Variants in TMEM117 observed in about 807,000 individuals in gnomAD.
TMEM117 encodes transmembrane protein 117.
Under a neutral mutation model 52.4 loss-of-function variants are expected in TMEM117, and 27 were observed. That is an observed-to-expected ratio of 0.51 (90% CI 0.38 to 0.71). The LOEUF (loss-of-function observed/expected upper bound fraction) is 0.71. Ranked by LOEUF, TMEM117 falls within the 30% of genes least tolerant of loss-of-function variation. TMEM117 has a pLI of 0.00. For missense variants in TMEM117, 556 were observed against 630.5 expected (o/e 0.88, Z 1.26); for synonymous variants, 215 against 206.3 (o/e 1.04, Z -0.36).
chr12:43,898,396 TA>T (rs1944248667), intron 2 of TMEM117, among the ~76,000 whole-genome samples: 1 of 149,278 alleles, frequency 6.7e-6, no homozygotes, highest in Non-Finnish European at 1.5e-5. Flanking sequence ...AATAATATAT[TA>T]ATAATTAATA....
chr12:43,811,719 G>A, the TMEM117 span, among the ~76,000 whole-genome samples: 9 of 152,302 alleles, frequency 5.9e-5, no homozygotes, highest in African/African-American at 2.2e-4. Flanking sequence ...GTGAGAATTT[G>A]AGCAGCAAAG....
At chr12:44,344,792 C>T (rs1951463040) in intron 6 of TMEM117, among the ~76,000 whole-genome samples, 1 of 152,056 alleles carries the variant, frequency 6.6e-6, no homozygotes, top group South Asian at 2.1e-4. Context: ...GTCTGCAGTG[C>T]TCCTCTCCTT....
At chr12:44,337,263 C>G (rs7313324) in intron 6 of TMEM117, among the ~76,000 whole-genome samples, 79,782 of 151,758 alleles carry the variant, frequency 0.53, 21,522 homozygotes, top group East Asian at 0.9. Context: ...TTCCAGAGAG[C>G]AAGAAGGCTG....
chr12:43,947,742 G>A (rs1316991456), intron 3 of TMEM117, among the ~76,000 whole-genome samples: 1 of 152,180 alleles, frequency 6.6e-6, no homozygotes, highest in Non-Finnish European at 1.5e-5. Flanking sequence ...AGGAATACGG[G>A]CCTAGAATTA....
chr12:44,376,984 T>C (rs1716609), intron 7 of TMEM117, among the ~76,000 whole-genome samples: 2,272 of 152,256 alleles, frequency 0.015, 60 homozygotes, highest in African/African-American at 0.048. Flanking sequence ...GGAAAGTGAT[T>C]AAGAAGGCTT....
intron 3 of TMEM117, among the ~76,000 whole-genome samples, chr12:43,979,829 G>A (rs571049336): frequency 6.6e-6 from 1 of 152,218 alleles, no homozygotes; most frequent in East Asian, 1.9e-4. Flanking sequence ...AAAGGCTACT[G>A]TTCTATCCAA....
At chr12:43,962,765 G>A (rs544880500) in intron 3 of TMEM117, among the ~76,000 whole-genome samples, 28 of 151,814 alleles carry the variant, frequency 1.8e-4, no homozygotes, top group African/African-American at 6.5e-4. Context: ...CTAAAAATAC[G>A]AAAACAAAAA....
intron 5 of TMEM117, among the ~76,000 whole-genome samples, chr12:44,297,857 CTATT>C (rs2138636379): frequency 1.3e-5 from 2 of 152,196 alleles, no homozygotes; most frequent in South Asian, 4.1e-4. Flanking sequence ...CAATTTCTAT[CTATT>C]GAGTTATAAT....
intron 4 of TMEM117, among the ~76,000 whole-genome samples, chr12:44,154,765 T>TAA (rs58401059): frequency 7.0e-5 from 10 of 143,094 alleles, no homozygotes; most frequent in African/African-American, 2.0e-4. Flanking sequence ...GCTATATATC[T>TAA]AAAAAAAAAA....
At chr12:43,874,427 A>AG (rs1491431458) in intron 2 of TMEM117, among the ~76,000 whole-genome samples, 1 of 15,680 alleles carries the variant, frequency 6.4e-5, no homozygotes, top group Non-Finnish European at 6.2e-4. Flanking sequence ...CTAAAAGTAC[A>AG]AAAAAAAAAA....
intron 4 of TMEM117, among the ~76,000 whole-genome samples, chr12:44,171,172 C>T (rs1055458927): frequency 3.5e-4 from 53 of 152,082 alleles, no homozygotes; most frequent in African/African-American, 1.1e-3. Flanking sequence ...CCCGCCACTA[C>T]GCCCGGCTAA....
chr12:43,926,932 G>C (rs943795563), intron 2 of TMEM117, among the ~76,000 whole-genome samples: 1 of 151,240 alleles, frequency 6.6e-6, no homozygotes, highest in Non-Finnish European at 1.5e-5. Context: ...TTATTTTTTC[G>C]TATCTTTTAA....
At chr12:43,838,537 G>C (rs10082995) in intron 1 of TMEM117, among the ~76,000 whole-genome samples, 1 of 93,344 alleles carries the variant, frequency 1.1e-5, no homozygotes. Flanking sequence ...GAGTCTTCCA[G>C]TTTTTTTTTT....
At chr12:43,873,274 A>G (rs1943736922) in intron 2 of TMEM117, among the ~76,000 whole-genome samples, 1 of 103,568 alleles carries the variant, frequency 9.7e-6, no homozygotes, top group Non-Finnish European at 2.3e-5. Context: ...TTAGTAGAGT[A>G]TAATTAGGCA....
chr12:43,878,884 C>T (rs192437526), intron 2 of TMEM117, among the ~76,000 whole-genome samples: 4 of 152,216 alleles, frequency 2.6e-5, no homozygotes. Flanking sequence ...TTAAATATGG[C>T]AGGTGACCAT....
chr12:44,350,236 G>A (rs531829090), intron 6 of TMEM117, among the ~76,000 whole-genome samples: 18 of 151,878 alleles, frequency 1.2e-4, no homozygotes, highest in African/African-American at 3.9e-4. Context: ...TCACAATCTA[G>A]CAGAGGAGAA....
chr12:44,073,061 G>T (rs932191040), intron 3 of TMEM117, among the ~76,000 whole-genome samples: 1 of 151,558 alleles, frequency 6.6e-6, no homozygotes, highest in Non-Finnish European at 1.5e-5. Flanking sequence ...CTGCACTCCA[G>T]CCTGGCGACA....
intron 4 of TMEM117, among the ~76,000 whole-genome samples, chr12:44,147,089 T>G (rs1015773953): frequency 6.6e-6 from 1 of 152,150 alleles, no homozygotes; most frequent in African/African-American, 2.4e-5. Context: ...AACTCAGGGT[T>G]AAGGGTACTA....
chr12:44,234,970 T>G (rs1409969107), intron 5 of TMEM117, among the ~76,000 whole-genome samples: 2 of 151,658 alleles, frequency 1.3e-5, no homozygotes, highest in African/African-American at 4.8e-5. Context: ...TTATTAACTG[T>G]GTTCAATTCA....
Sources: gnomAD v4.1 joint callset for allele counts (sites outside exome capture counted in the v4.1 genomes callset) on GRCh38, gnomAD v4.1.1 for gene constraint, MANE v1.5 for transcripts, NCBI Gene and HGNC (gene_info 2026-07-23, HGNC 2026-07-21) for gene names.